STARD13: variants seen among roughly 807,000 people sequenced by gnomAD.
The protein encoded by STARD13 is StAR related lipid transfer domain containing 13.
Under a neutral mutation model 106.4 loss-of-function variants are expected in STARD13, and 62 were observed. The ratio of observed to expected loss-of-function variants is 0.58; its 90% CI spans 0.48 to 0.72. The LOEUF is 0.72. Ranked by LOEUF, STARD13 falls within the 30% of genes least tolerant of loss-of-function variation. The probability of loss-of-function intolerance (pLI) is 0.00; values close to 1 mark genes in which losing one functional copy is unlikely to be tolerated. For missense variants in STARD13, 1,387 were observed against 1,424.0 expected (o/e 0.97, Z 0.42); for synonymous variants, 565 against 553.0 (o/e 1.02, Z -0.31).
At chr13:33,578,986 A>C in the STARD13 span, among the ~76,000 whole-genome samples, 1 of 152,116 alleles carries the variant, frequency 6.6e-6, no homozygotes, top group East Asian at 1.9e-4. Flanking sequence ...CATTGTTAAC[A>C]AGTCAAAAAA....
At chr13:33,663,776 G>A in the STARD13 span, among the ~76,000 whole-genome samples, 13 of 152,216 alleles carry the variant, frequency 8.5e-5, no homozygotes, top group African/African-American at 2.9e-4. Context: ...AAGTCAGAAA[G>A]GCTCTCTCAG....
the STARD13 span, among the ~76,000 whole-genome samples, chr13:33,490,235 A>G: frequency 6.6e-6 from 1 of 152,204 alleles, no homozygotes; most frequent in Admixed American, 6.5e-5. Context: ...GGATGCTAGT[A>G]GGTATGTACT....
chr13:33,354,932 C>A (rs2078111315), upstream of STARD13, among the ~76,000 whole-genome samples: 2 of 150,336 alleles, frequency 1.3e-5, no homozygotes, highest in African/African-American at 4.9e-5. Flanking sequence ...ATTTTTATAC[C>A]AAGTTTTTCA....
chr13:33,110,529 A>C (rs1298081036), intron 11 of STARD13, among the ~76,000 whole-genome samples, 157 bp downstream of exon 11: 3 of 152,148 alleles, frequency 2.0e-5, no homozygotes, highest in Non-Finnish European at 4.4e-5. Context: ...TAGGCAACAG[A>C]TCTCTGGACT....
intron 1 of STARD13, among the ~76,000 whole-genome samples, chr13:33,178,840 C>T (rs1292209766): frequency 6.6e-6 from 1 of 152,078 alleles, no homozygotes; most frequent in African/African-American, 2.4e-5. Flanking sequence ...CAAACTAGAC[C>T]AAATAAAGAA....
intron 1 of STARD13, among the ~76,000 whole-genome samples, chr13:33,229,491 G>A (rs1325934670): frequency 2.0e-5 from 3 of 152,130 alleles, no homozygotes; most frequent in East Asian, 1.9e-4. Context: ...ATCTCTTGTC[G>A]AACTCAAAAC....
At chr13:33,671,733 ATAAATAAATAAATACAATTAAATAAT>A in the STARD13 span, among the ~76,000 whole-genome samples, 3 of 152,080 alleles carry the variant, frequency 2.0e-5, no homozygotes, top group African/African-American at 7.2e-5. Flanking sequence ...CTGTCTCTAA[ATAAATAAATAAATACAATTAAATAAT>A]TAAATAAATA....
At chr13:33,365,393 G>C in the STARD13 span, among the ~76,000 whole-genome samples, 1 of 152,218 alleles carries the variant, frequency 6.6e-6, no homozygotes, top group African/African-American at 2.4e-5. Flanking sequence ...TGCATCAACA[G>C]TACACAGCTG....
the STARD13 span, among the ~76,000 whole-genome samples, chr13:33,420,168 TAAAG>T: frequency 6.6e-6 from 1 of 152,316 alleles, no homozygotes; most frequent in African/African-American, 2.4e-5. Flanking sequence ...CCAAATTGGA[TAAAG>T]AGTCAAGACC....
At chr13:33,214,699 TACACACACACACACACAC>T (rs55996131) in intron 1 of STARD13, among the ~76,000 whole-genome samples, 19 of 144,044 alleles carry the variant, frequency 1.3e-4, no homozygotes, top group African/African-American at 4.3e-4. Context: ...CATGCACACA[TACACACACACACACACAC>T]ACACACACAC....
intron 1 of STARD13, among the ~76,000 whole-genome samples, chr13:33,310,653 A>G (rs1211430230): frequency 6.6e-6 from 1 of 152,144 alleles, no homozygotes; most frequent in East Asian, 1.9e-4. Flanking sequence ...TTCAATATAT[A>G]TATTGAATTT....
chr13:33,302,988 C>T (rs970033962), intron 1 of STARD13, among the ~76,000 whole-genome samples: 9 of 152,162 alleles, frequency 5.9e-5, no homozygotes, highest in African/African-American at 2.2e-4. Context: ...TTGTTGTCAC[C>T]TTAAAAACCT....
chr13:33,634,872 CTGTGT>C, the STARD13 span, among the ~76,000 whole-genome samples: 1 of 152,134 alleles, frequency 6.6e-6, no homozygotes, highest in South Asian at 2.1e-4. Context: ...AAGACATGCT[CTGTGT>C]TGGCTGCAAA....
At chr13:33,519,277 C>CT in the STARD13 span, among the ~76,000 whole-genome samples, 1 of 121,268 alleles carries the variant, frequency 8.2e-6, no homozygotes, top group Admixed American at 8.6e-5. Flanking sequence ...TCTTTCTTTT[C>CT]TTTCTCTTTC....
At chr13:33,641,913 A>G in the STARD13 span, among the ~76,000 whole-genome samples, 1 of 152,372 alleles carries the variant, frequency 6.6e-6, no homozygotes, top group South Asian at 2.1e-4. Context: ...TGTAAAAAGG[A>G]AAAAGAAATA....
chr13:33,506,964 GGTGGTAT>G, the STARD13 span, among the ~76,000 whole-genome samples: 2 of 151,994 alleles, frequency 1.3e-5, no homozygotes, highest in African/African-American at 4.8e-5. Flanking sequence ...AGCCAGGTGT[GGTGGTAT>G]GTGCCTGTAG....
chr13:33,542,418 C>G, the STARD13 span, among the ~76,000 whole-genome samples: 1 of 152,266 alleles, frequency 6.6e-6, no homozygotes, highest in African/African-American at 2.4e-5. Context: ...GAAACCCAAA[C>G]CCCGTGGGCG....
At chr13:33,642,970 A>G in the STARD13 span, among the ~76,000 whole-genome samples, 3 of 152,104 alleles carry the variant, frequency 2.0e-5, no homozygotes, top group Non-Finnish European at 4.4e-5. Flanking sequence ...CACACAATAA[A>G]TATTTATTAA....
chr13:33,121,781 G>A (rs991973700), intron 7 of STARD13, among the ~76,000 whole-genome samples: 17 of 147,084 alleles, frequency 1.2e-4, no homozygotes, highest in Non-Finnish European at 2.4e-4. Flanking sequence ...CTGGATTCAA[G>A]TGATTCTTCT....
Sources: gnomAD v4.1 joint callset for allele counts (sites outside exome capture counted in the v4.1 genomes callset) on GRCh38, gnomAD v4.1.1 for gene constraint, MANE v1.5 for transcripts, NCBI Gene and HGNC (gene_info 2026-07-23, HGNC 2026-07-21) for gene names.